TMEM19: variants seen among roughly 807,000 people sequenced by gnomAD.
TMEM19 encodes transmembrane protein 19.
A neutral mutation model predicts 33.6 loss-of-function variants in TMEM19; 21 were observed. That is an observed-to-expected ratio of 0.62 (90% CI 0.44 to 0.90). The LOEUF (loss-of-function observed/expected upper bound fraction) is 0.90, where lower values mean the gene tolerates loss of function less well. Ranked by LOEUF, TMEM19 falls within the 40% of genes least tolerant of loss-of-function variation. The probability of loss-of-function intolerance (pLI) is 0.00; values close to 1 mark genes in which losing one functional copy is unlikely to be tolerated. For synonymous variants in TMEM19, 149 were observed against 147.5 expected, an observed-to-expected ratio of 1.01 and a Z score of -0.07; for missense variants, 402 against 401.8, an observed-to-expected ratio of 1.00 and a Z score of 0.00.
chr12:71,696,624 A>G (rs568332046), intron 3 of TMEM19, 51 bp downstream of exon 3: 1 of 1,464,776 alleles, frequency 6.8e-7, no homozygotes, highest in Admixed American at 2.4e-5. Flanking sequence ...TTTAATCCTA[A>G]CATAAGGTTT....
chr12:71,690,992 C>T (rs913464587), intron 2 of TMEM19, among the ~76,000 whole-genome samples: 3 of 152,150 alleles, frequency 2.0e-5, no homozygotes, highest in Non-Finnish European at 4.4e-5. Flanking sequence ...AAAGAGGGAA[C>T]CCCAAATTAT....
chr12:71,686,956 A>C, intron 1 of TMEM19, 146 bp downstream of exon 1: 3 of 696,064 alleles, frequency 4.3e-6, no homozygotes, highest in Non-Finnish European at 6.7e-6. Context: ...TTAACTTACT[A>C]ACATGATAGT....
intron 2 of TMEM19, among the ~76,000 whole-genome samples, chr12:71,693,136 A>G (rs1247977560): frequency 6.6e-6 from 1 of 151,924 alleles, no homozygotes; most frequent in Admixed American, 6.5e-5. Context: ...CAGAGGCTGC[A>G]GTGAGCTGAG....
chr12:71,699,369 G>A, intron 5 of TMEM19: 2 of 565,372 alleles, frequency 3.5e-6, no homozygotes, highest in Non-Finnish European at 6.2e-6. Context: ...ACGTTTTTGT[G>A]TGAGCCATTA....
chr12:71,698,539 G>C (rs1881916141), intron 4 of TMEM19, among the ~76,000 whole-genome samples: 1 of 151,528 alleles, frequency 6.6e-6, no homozygotes, highest in African/African-American at 2.4e-5. Flanking sequence ...GGAGTTGGAG[G>C]CTGCAGTAGG....
rs150606128 is a variant in TMEM19 at position 71,697,818 on chromosome 12, A to G, written c.637+284A>G. On this transcript the variant is annotated intron_variant, in intron 4 of 5. Coordinates refer to ENST00000266673, the MANE Select transcript of TMEM19 (RefSeq NM_018279.4). ...GTAGGGAAGGAAAAGAGAGGGAACA[A>G]TAGAATATTTATTGAGGGCCTGTTA... 6.3e-3 allele frequency among the ~76,000 whole-genome samples: 957 copies of G among 152,340 alleles called. 5 individuals are homozygous for G. The highest frequency in any genetic ancestry group is 0.017 in the African/African-American group (689 of 41,580).
intron 5 of TMEM19, chr12:71,699,407 G>T (rs73346282): frequency 0.023 from 12,238 of 526,526 alleles, 470 homozygotes; most frequent in African/African-American, 0.11. Flanking sequence ...AAGACGTTTG[G>T]GATCAGATCA....
intron 1 of TMEM19, among the ~76,000 whole-genome samples, chr12:71,687,243 T>C (rs1881707167): frequency 6.6e-6 from 1 of 152,188 alleles, no homozygotes; most frequent in Non-Finnish European, 1.5e-5. Flanking sequence ...CGAATATAGC[T>C]TTGTAAAGCA....
intron 2 of TMEM19, among the ~76,000 whole-genome samples, chr12:71,690,872 G>A (rs890172060): frequency 4.6e-5 from 7 of 152,180 alleles, no homozygotes; most frequent in African/African-American, 1.7e-4. Flanking sequence ...AAATAGTAAC[G>A]ATAGGAAAAG....
chr12:71,686,744 C>T lies in TMEM19; in HGVS notation c.64C>T (p.Leu22=), dbSNP rs201918551. 7 of 1,611,238 alleles carry T rather than the reference C, an allele frequency of 4.3e-6. No homozygotes were observed. Among genetic ancestry groups the T allele is most frequent in the East Asian group, 2.2e-5 (1 of 44,810 alleles). Residue 22 remains leucine (L), a synonymous_variant, in exon 1 of 6, where the codon CTG becomes TTG. Coordinates refer to ENST00000266673, the MANE Select transcript of TMEM19 (RefSeq NM_018279.4). ...AAAGATGATAACTAATATAGTTATA[C>T]TGAGCCTGATCATTTGCATTTCGTT... ...YIKMITNIVI[L]SLIICISLAF...
intron 5 of TMEM19, chr12:71,699,379 A>T: frequency 1.8e-6 from 1 of 555,340 alleles, no homozygotes; most frequent in East Asian, 2.9e-5. Context: ...GTGAGCCATT[A>T]CCTAATCCCA....
intron 2 of TMEM19, among the ~76,000 whole-genome samples, chr12:71,693,204 A>T (rs915306051): frequency 3.3e-5 from 5 of 149,852 alleles, no homozygotes; most frequent in African/African-American, 4.9e-5. Context: ...CAAAAAAAAA[A>T]TTTTTTTTTA....
At chr12:71,697,586 G>C (rs1321318133) in intron 4 of TMEM19, 52 bp downstream of exon 4, 1 of 1,505,992 alleles carries the variant, frequency 6.6e-7, no homozygotes, top group Non-Finnish European at 8.8e-7. Flanking sequence ...GGTGAGTCTT[G>C]ATTTGAGATT....
chr12:71,700,124 T>G (rs1337474685), intron 5 of TMEM19, among the ~76,000 whole-genome samples: 2 of 152,206 alleles, frequency 1.3e-5, no homozygotes, highest in Non-Finnish European at 2.9e-5. Context: ...TCAGTCAGAA[T>G]ATTTGTTCTC....
intron 3 of TMEM19, 109 bp from the exon 4 acceptor site, chr12:71,697,171 T>G: frequency 6.9e-7 from 1 of 1,440,660 alleles, no homozygotes; most frequent in Non-Finnish European, 9.2e-7. Flanking sequence ...TTTTAAATTT[T>G]TTTGTTGTTT....
chr12:71,701,218 T>G lies in TMEM19; in HGVS notation c.*223T>G. ...TCCTAGAACTTATGCATTTTTTTCC[T>G]GCTGAATGGAAGTCTTGAGCAATGA... On this transcript the variant is annotated 3_prime_UTR_variant, in exon 6 of 6. Coordinates refer to ENST00000266673, the MANE Select transcript of TMEM19 (RefSeq NM_018279.4). 2.5e-6 allele frequency: 1 copy of G among 400,188 alleles called. No individual in the cohort carries two copies. 24.8% of individuals were successfully genotyped at this position (400,188 alleles called of 1,614,324 possible). A position where few individuals can be genotyped will look rare whatever the true frequency, so the allele number is the denominator to read the frequency against.
At chr12:71,695,009 C>A (rs1260485218) in intron 2 of TMEM19, among the ~76,000 whole-genome samples, 1 of 152,194 alleles carries the variant, frequency 6.6e-6, no homozygotes, top group Non-Finnish European at 1.5e-5. Flanking sequence ...CACAAGGCAA[C>A]CATAGTCCTC....
intron 1 of TMEM19, among the ~76,000 whole-genome samples, chr12:71,687,229 GA>G (rs1449708779): frequency 6.6e-6 from 1 of 152,162 alleles, no homozygotes; most frequent in Non-Finnish European, 1.5e-5. Flanking sequence ...AAAGATAAGT[GA>G]GGCGAATATA....
chr12:71,688,422 G>A (rs185689768), intron 1 of TMEM19, among the ~76,000 whole-genome samples: 1 of 152,124 alleles, frequency 6.6e-6, no homozygotes, highest in African/African-American at 2.4e-5. Context: ...TAGAGACAGG[G>A]TTTCATCATG....
Sources: allele counts gnomAD v4.1 joint callset (sites outside exome capture counted in the v4.1 genomes callset), GRCh38; gene constraint gnomAD v4.1.1; transcripts MANE v1.5; gene names NCBI Gene and HGNC (gene_info 2026-07-23, HGNC 2026-07-21).